PCSK5: variants seen among roughly 807,000 people sequenced by gnomAD.
PCSK5 encodes the protein proprotein convertase subtilisin/kexin type 5, also known as prohormone convertase 5.
In PCSK5, 129 loss-of-function variants were observed where a neutral mutation model predicts 233.2. The ratio of observed to expected loss-of-function variants is 0.55; its 90% CI spans 0.48 to 0.64. PCSK5 has a LOEUF of 0.64. Among genes scored for constraint, PCSK5 ranks in the 30% least tolerant of loss-of-function variants. The probability of loss-of-function intolerance (pLI) is 0.00; values close to 1 mark genes in which losing one functional copy is unlikely to be tolerated. For synonymous variants in PCSK5, 825 were observed against 879.2 expected (o/e 0.94, Z 1.09); for missense variants, 2,076 against 2,430.1 (o/e 0.85, Z 3.06).
intron 10 of PCSK5, 25 bp from the exon 11 acceptor site, chr9:76,157,020 C>T (rs755547148): frequency 6.5e-7 from 1 of 1,530,296 alleles, no homozygotes; most frequent in Non-Finnish European, 9.1e-7. Flanking sequence ...CTTAGTGAAG[C>T]TGACCAGTCT....
chr9:76,149,891 T>A (rs559733440), intron 10 of PCSK5, among the ~76,000 whole-genome samples: 84 of 152,292 alleles, frequency 5.5e-4, no homozygotes, highest in Non-Finnish European at 8.8e-5. Flanking sequence ...AAGAAAATAA[T>A]CTGACACTTT....
At chr9:76,277,643 G>A (rs1331765730) in intron 24 of PCSK5, among the ~76,000 whole-genome samples, 7 of 152,264 alleles carry the variant, frequency 4.6e-5, no homozygotes, top group African/African-American at 1.7e-4. Context: ...CCTGGGCACC[G>A]ATGAGGACAA....
chr9:76,042,822 G>C (rs1324246001), intron 5 of PCSK5, among the ~76,000 whole-genome samples: 1 of 152,200 alleles, frequency 6.6e-6, no homozygotes, highest in Non-Finnish European at 1.5e-5. Context: ...CAATCACATA[G>C]TGATGTTCCT....
chr9:76,188,176 TG>T (rs1824194093), intron 17 of PCSK5, among the ~76,000 whole-genome samples: 1 of 152,172 alleles, frequency 6.6e-6, no homozygotes, highest in Admixed American at 6.5e-5. Context: ...ATGAAATAAC[TG>T]TTGAATTTAT....
chr9:75,965,367 C>T (rs1346533862), intron 2 of PCSK5, among the ~76,000 whole-genome samples: 9 of 151,646 alleles, frequency 5.9e-5, no homozygotes, highest in African/African-American at 1.2e-4. Context: ...AGAGGTCCCA[C>T]GATTTGCGTC....
intron 20 of PCSK5, among the ~76,000 whole-genome samples, chr9:76,205,008 G>C (rs556254419): frequency 1.3e-5 from 2 of 152,192 alleles, no homozygotes; most frequent in African/African-American, 4.8e-5. Flanking sequence ...TTCAGCAAAG[G>C]GGTCATCTCA....
chr9:76,102,689 G>A (rs1037407401), intron 8 of PCSK5, among the ~76,000 whole-genome samples: 2 of 152,108 alleles, frequency 1.3e-5, no homozygotes, highest in Non-Finnish European at 2.9e-5. Context: ...AGTATTAGCT[G>A]TACTTTAAAC....
At chr9:76,070,627 T>C (rs1288229327) in intron 6 of PCSK5, among the ~76,000 whole-genome samples, 1 of 152,224 alleles carries the variant, frequency 6.6e-6, no homozygotes, top group Non-Finnish European at 1.5e-5. Context: ...GTAGTGGCTA[T>C]GTATATATAT....
chr9:76,136,583 G>A (rs1285598080), intron 10 of PCSK5, among the ~76,000 whole-genome samples: 1 of 151,980 alleles, frequency 6.6e-6, no homozygotes, highest in Non-Finnish European at 1.5e-5. Flanking sequence ...GTGGTCCTGG[G>A]TGCCCTTCTT....
chr9:75,989,978 C>T (rs1826695963), intron 3 of PCSK5, among the ~76,000 whole-genome samples: 1 of 152,148 alleles, frequency 6.6e-6, no homozygotes, highest in Non-Finnish European at 1.5e-5. Flanking sequence ...AACACAGTGC[C>T]TGACACCAGA....
At chr9:75,917,300 A>G (rs780077508) in intron 1 of PCSK5, among the ~76,000 whole-genome samples, 4 of 152,228 alleles carry the variant, frequency 2.6e-5, no homozygotes, top group Admixed American at 6.5e-5. Context: ...ACAAGGTTGT[A>G]AAACTGTTGA....
chr9:76,023,617 C>A, intron 3 of PCSK5, 121 bp from the exon 4 acceptor site: 1 of 846,516 alleles, frequency 1.2e-6, no homozygotes, highest in Non-Finnish European at 1.8e-6. Flanking sequence ...GTAAGCTCAT[C>A]ACACTACTAC....
chr9:76,110,732 G>A (rs1241051314), intron 9 of PCSK5, among the ~76,000 whole-genome samples: 1 of 152,038 alleles, frequency 6.6e-6, no homozygotes. Context: ...AAAAAGAAGT[G>A]GAATGAAATA....
chr9:76,118,639 T>C (rs1832521351), intron 9 of PCSK5, among the ~76,000 whole-genome samples: 1 of 149,372 alleles, frequency 6.7e-6, no homozygotes, highest in South Asian at 2.1e-4. Flanking sequence ...AATAGAACCA[T>C]TTTTAAAATG....
chr9:76,333,834 T>G (rs1207584926), intron 34 of PCSK5, among the ~76,000 whole-genome samples: 1 of 152,216 alleles, frequency 6.6e-6, no homozygotes, highest in Non-Finnish European at 1.5e-5. Context: ...TGCCTTGCAT[T>G]TTGATTTATC....
At chr9:75,974,620 G>T (rs1056785905) in intron 2 of PCSK5, among the ~76,000 whole-genome samples, 2 of 152,100 alleles carry the variant, frequency 1.3e-5, no homozygotes, top group African/African-American at 2.4e-5. Context: ...AAACACCCCT[G>T]CCCTTTCTGC....
intron 3 of PCSK5, among the ~76,000 whole-genome samples, chr9:76,018,348 C>T (rs1045798195): frequency 2.6e-5 from 4 of 152,166 alleles, no homozygotes; most frequent in Admixed American, 2.6e-4. Context: ...CCCCGGGCTG[C>T]GGACCAGTAT....
chr9:76,053,232 G>T (rs73454504), intron 5 of PCSK5, among the ~76,000 whole-genome samples: 1 of 152,086 alleles, frequency 6.6e-6, no homozygotes. Flanking sequence ...ACACTCTTTT[G>T]GGGGGGCTCC....
intron 3 of PCSK5, among the ~76,000 whole-genome samples, chr9:75,987,453 T>G (rs1428271083): frequency 2.6e-5 from 4 of 152,218 alleles, no homozygotes; most frequent in African/African-American, 9.6e-5. Flanking sequence ...CTCTGCATCT[T>G]GATCCCTTTT....
Sources: allele counts gnomAD v4.1 joint callset (sites outside exome capture counted in the v4.1 genomes callset), GRCh38; gene constraint gnomAD v4.1.1; transcripts MANE v1.5; gene names NCBI Gene and HGNC (gene_info 2026-07-23, HGNC 2026-07-21).